Variants in SLC30A7 observed in about 807,000 individuals in gnomAD.
The protein encoded by SLC30A7 is zinc transporter 7.
Under a neutral mutation model 46.0 loss-of-function variants are expected in SLC30A7, and 35 were observed. That is an observed-to-expected ratio of 0.76 (90% CI 0.58 to 1.01). The LOEUF is 1.01. Among genes scored for constraint, SLC30A7 ranks in the 50% least tolerant of loss-of-function variants. SLC30A7 has a pLI of 0.00. For missense variants in SLC30A7, 464 were observed against 451.1 expected, an observed-to-expected ratio of 1.03 and a Z score of -0.26; for synonymous variants, 147 against 157.8, an observed-to-expected ratio of 0.93 and a Z score of 0.51.
At chr1:100,930,707 T>A (rs1653613412) in intron 8 of SLC30A7, among the ~76,000 whole-genome samples, 1 of 152,112 alleles carries the variant, frequency 6.6e-6, no homozygotes, top group Non-Finnish European at 1.5e-5. Flanking sequence ...GTGGTTATAA[T>A]TTGTGAACTA....
At chr1:100,939,190 C>T (rs1654181439) in intron 8 of SLC30A7, among the ~76,000 whole-genome samples, 1 of 151,906 alleles carries the variant, frequency 6.6e-6, no homozygotes, top group Non-Finnish European at 1.5e-5. Context: ...GATCATTAGC[C>T]AGTAACATTA....
intron 10 of SLC30A7, among the ~76,000 whole-genome samples, chr1:100,969,915 A>AT (rs1326464326): frequency 1.4e-4 from 22 of 152,304 alleles, no homozygotes; most frequent in African/African-American, 4.8e-4. Flanking sequence ...CCTTTTCTGC[A>AT]TATACCCTAG....
chr1:100,982,057 C>T (rs1193832192), downstream of SLC30A7, among the ~76,000 whole-genome samples: 1 of 152,230 alleles, frequency 6.6e-6, no homozygotes, highest in African/African-American at 2.4e-5. Flanking sequence ...CTATGGATGA[C>T]TTTGTCTTAT....
At chr1:100,896,389 A>T in intron 1 of SLC30A7, 47 bp downstream of exon 1, 1 of 1,595,942 alleles carries the variant, frequency 6.3e-7, no homozygotes, top group Non-Finnish European at 8.6e-7. Context: ...GCAGAAAGGG[A>T]GAAGGCCCAG....
chr1:100,902,508 A>G (rs1570500590), intron 2 of SLC30A7, among the ~76,000 whole-genome samples: 2 of 152,238 alleles, frequency 1.3e-5, no homozygotes, highest in East Asian at 3.8e-4. Flanking sequence ...CTGGTGTAAT[A>G]AAACACCACA....
intron 2 of SLC30A7, 115 bp downstream of exon 2, chr1:100,896,786 T>C (rs1388977110): frequency 3.6e-6 from 3 of 839,882 alleles, no homozygotes; most frequent in Admixed American, 2.1e-5. Flanking sequence ...CTTTGTTACC[T>C]ACCTCTGCTG....
chr1:100,900,327 G>GA (rs1651234104), intron 2 of SLC30A7, among the ~76,000 whole-genome samples: 1 of 152,180 alleles, frequency 6.6e-6, no homozygotes, highest in Admixed American at 6.5e-5. Flanking sequence ...TGTTAACAAA[G>GA]TAAATATTTG....
chr1:100,934,020 C>T (rs948865825), intron 8 of SLC30A7, among the ~76,000 whole-genome samples: 3 of 152,212 alleles, frequency 2.0e-5, no homozygotes, highest in Admixed American at 1.3e-4. Flanking sequence ...CATACCAGTA[C>T]ATGAGCATAG....
At chr1:100,970,330 TG>T (rs1656088223) in intron 10 of SLC30A7, among the ~76,000 whole-genome samples, 1 of 152,136 alleles carries the variant, frequency 6.6e-6, no homozygotes, top group African/African-American at 2.4e-5. Context: ...ATCTAAAAGT[TG>T]GAGAATTATA....
intron 2 of SLC30A7, among the ~76,000 whole-genome samples, chr1:100,905,935 C>A (rs1242171931): frequency 6.6e-6 from 1 of 151,616 alleles, no homozygotes; most frequent in Non-Finnish European, 1.5e-5. Context: ...TTTTTTCTTT[C>A]TTGATTTTGT....
the SLC30A7 span, chr1:100,995,073 TA>T: frequency 6.8e-7 from 1 of 1,470,878 alleles, no homozygotes; most frequent in Non-Finnish European, 9.5e-7. Context: ...TTCAAGGAAA[TA>T]AAACACATGT....
chr1:100,950,240 T>C (rs983606449), intron 8 of SLC30A7, among the ~76,000 whole-genome samples: 16 of 152,242 alleles, frequency 1.1e-4, no homozygotes, highest in African/African-American at 3.6e-4. Flanking sequence ...AAACATGAAT[T>C]CCAGTCATAC....
In SLC30A7 at chr1:100,961,727, G is replaced by A. The variant is rs1178120737; in HGVS notation, c.843-101G>A. On this transcript the variant is annotated intron_variant, in intron 8 of 10. Coordinates refer to ENST00000357650, the MANE Select transcript of SLC30A7 (RefSeq NM_133496.5). The stretch of plus-strand genomic sequence containing the variant: ...GTTTTTTCTCATATTATTCCCGTAA[G>A]TCCTATTATATTCTACCGTAGGGAG... 7 of 564,496 alleles carry A rather than the reference G, an allele frequency of 1.2e-5. No homozygotes were observed. The East Asian group carries it at 2.2e-4, about 17-fold the overall frequency. The allele number at this position is 564,496 out of a possible 1,614,324, so 35.0% of individuals were successfully genotyped here.
rs772105277 is a variant in SLC30A7 at position 100,951,685 on chromosome 1, C to T, written c.843-10143C>T. 1.9e-4 allele frequency among the ~76,000 whole-genome samples: 29 copies of T among 152,154 alleles called. 1 individual carries two copies. The highest frequency in any genetic ancestry group is 3.4e-4 in the Non-Finnish European group (23 of 68,014). ...TCCATGTTGTGAAAAGTCTTCCCACCTGGAGGACCTAACTCAGACCCTCCT... is the reference window on the plus strand; with the variant it reads ...TCCATGTTGTGAAAAGTCTTCCCACTTGGAGGACCTAACTCAGACCCTCCT... On this transcript the variant is annotated intron_variant, in intron 8 of 10. Transcript: ENST00000357650.
chr1:100,918,283 G>C (rs908520425), intron 7 of SLC30A7, among the ~76,000 whole-genome samples, 156 bp downstream of exon 7: 3 of 152,058 alleles, frequency 2.0e-5, no homozygotes, highest in Non-Finnish European at 4.4e-5. Context: ...TATACTATTA[G>C]ATATATTAGC....
chr1:100,923,776 C>T (rs1653109751), intron 8 of SLC30A7, among the ~76,000 whole-genome samples: 2 of 152,132 alleles, frequency 1.3e-5, no homozygotes, highest in Admixed American at 1.3e-4. Flanking sequence ...GAGATCCTGT[C>T]TCTATATAAA....
Position 100,975,375 on chromosome 1 carries a change from G to T in SLC30A7, c.*518G>T, listed in dbSNP as rs1656407624. The T allele has an allele frequency of 6.6e-6, 1 of 152,520 alleles. No homozygotes were observed. The highest frequency in any genetic ancestry group is 1.5e-5 in the Non-Finnish European group (1 of 68,076). 9.4% of individuals were successfully genotyped at this position (152,520 alleles called of 1,614,324 possible). On this transcript the variant is annotated 3_prime_UTR_variant, in exon 11 of 11. Coordinates refer to ENST00000357650, the MANE Select transcript of SLC30A7 (RefSeq NM_133496.5). ...TGCTATACGTAATGTCATAATTGTTGACGTTCTTCAGTATAATCATGTTTG... is the reference window on the plus strand; with the variant it reads ...TGCTATACGTAATGTCATAATTGTTTACGTTCTTCAGTATAATCATGTTTG...
At chr1:100,935,304 A>G (rs1653890918) in intron 8 of SLC30A7, among the ~76,000 whole-genome samples, 1 of 152,212 alleles carries the variant, frequency 6.6e-6, no homozygotes, top group Non-Finnish European at 1.5e-5. Context: ...CTCACATAGT[A>G]CTTTTTATAG....
chr1:100,974,607 A>C (rs1269354320), intron 10 of SLC30A7, among the ~76,000 whole-genome samples: 2 of 151,754 alleles, frequency 1.3e-5, no homozygotes, highest in Non-Finnish European at 2.9e-5. Flanking sequence ...GACTGTTAAC[A>C]TGGCTCTTTT....
Sources: gnomAD v4.1 joint callset for allele counts (sites outside exome capture counted in the v4.1 genomes callset) on GRCh38, gnomAD v4.1.1 for gene constraint, MANE v1.5 for transcripts, NCBI Gene and HGNC (gene_info 2026-07-23, HGNC 2026-07-21) for gene names.